Variants in PBX3 observed in about 807,000 individuals in gnomAD.
The protein encoded by PBX3 is pre-B-cell leukemia transcription factor 3.
In PBX3, 14 loss-of-function variants were observed where a neutral mutation model predicts 48.5. The observed-to-expected ratio is 0.29, with a 90% CI of 0.19 to 0.45. The LOEUF is 0.45. PBX3 is among the 20% of genes least tolerant of loss of function. The pLI is 1.00. For missense variants in PBX3, 386 were observed against 546.7 expected, an observed-to-expected ratio of 0.71 and a Z score of 2.93; for synonymous variants, 210 against 200.3, an observed-to-expected ratio of 1.05 and a Z score of -0.41.
chr9:125,844,904 G>A (rs541367876), intron 2 of PBX3: 8 of 152,184 alleles, frequency 5.3e-5, no homozygotes, highest in African/African-American at 1.9e-4. Context: ...AAGTTTAGTA[G>A]GTTCAGCACC....
chr9:125,920,529 A>G (rs1211553208), intron 3 of PBX3, among the ~76,000 whole-genome samples: 2 of 152,246 alleles, frequency 1.3e-5, no homozygotes, highest in African/African-American at 2.4e-5. Flanking sequence ...GAAAAGATAT[A>G]TAATGCTCTG....
chr9:125,866,567 CAAAG>C (rs965575129), intron 2 of PBX3, among the ~76,000 whole-genome samples: 3 of 152,040 alleles, frequency 2.0e-5, no homozygotes, highest in African/African-American at 7.2e-5. Context: ...AAGAGGGAAA[CAAAG>C]AAACAATCAT....
chr9:125,775,645 A>G (rs1189034860), intron 2 of PBX3, among the ~76,000 whole-genome samples: 1 of 152,204 alleles, frequency 6.6e-6, no homozygotes, highest in Non-Finnish European at 1.5e-5. Flanking sequence ...TGATTACTGT[A>G]GCTTTGCAGT....
intron 2 of PBX3, among the ~76,000 whole-genome samples, chr9:125,891,328 A>G (rs1410600208): frequency 6.6e-6 from 1 of 152,230 alleles, no homozygotes; most frequent in Non-Finnish European, 1.5e-5. Flanking sequence ...TGAAATATAT[A>G]AAGATGCAAC....
At chr9:125,816,478 G>C (rs1409024206) in intron 2 of PBX3, among the ~76,000 whole-genome samples, 4 of 152,100 alleles carry the variant, frequency 2.6e-5, no homozygotes, top group Non-Finnish European at 4.4e-5. Context: ...TACATTGTTC[G>C]GAGTGATTTT....
chr9:125,800,194 C>T (rs1837898632), intron 2 of PBX3, among the ~76,000 whole-genome samples: 1 of 152,140 alleles, frequency 6.6e-6, no homozygotes, highest in Admixed American at 6.5e-5. Context: ...TTCAAAGAAA[C>T]ATCACAGATG....
chr9:125,866,159 A>G (rs1839975211), intron 2 of PBX3, among the ~76,000 whole-genome samples: 1 of 152,190 alleles, frequency 6.6e-6, no homozygotes, highest in African/African-American at 2.4e-5. Flanking sequence ...AAGTGAGTTA[A>G]CTATGCTGTT....
At chr9:125,948,231 T>C (rs1241689602) in intron 5 of PBX3, among the ~76,000 whole-genome samples, 1 of 145,324 alleles carries the variant, frequency 6.9e-6, no homozygotes, top group East Asian at 2.1e-4. Context: ...ACACCACAAT[T>C]AGCAGACTTG....
chr9:125,891,349 G>A (rs1010151566), intron 2 of PBX3, among the ~76,000 whole-genome samples: 2 of 152,170 alleles, frequency 1.3e-5, no homozygotes, highest in African/African-American at 4.8e-5. Context: ...TATCTAAAAT[G>A]AATGCCAAAT....
In PBX3 at chr9:125,773,579, C is replaced by G. The variant is rs12341121; in HGVS notation, c.274+24956C>G. ...GTCCTCTGGCACATAGTAGGAAGCA[C>G]TCAATATCTGTTTTTTAAAATGAAT... On this transcript the variant is annotated intron_variant, in intron 2 of 8. Transcript: ENST00000373489. Among the ~76,000 whole-genome samples, 1,390 of 152,010 alleles carry G rather than the reference C, an allele frequency of 9.1e-3. 30 individuals are homozygous for G. Among genetic ancestry groups the G allele is most frequent in the African/African-American group, 0.031 (1,301 of 41,392 alleles).
intron 4 of PBX3, among the ~76,000 whole-genome samples, chr9:125,932,299 G>A (rs1841735571): frequency 6.6e-6 from 1 of 152,162 alleles, no homozygotes; most frequent in Admixed American, 6.5e-5. Context: ...TCACCCTGCT[G>A]GACTAGCCCT....
Position 125,929,771 on chromosome 9 carries a change from T to C in PBX3, c.633T>C (p.Ser211=). The C allele has an allele frequency of 1.2e-6, 2 of 1,614,034 alleles. No homozygotes were observed. The highest frequency in any genetic ancestry group is 1.7e-6 in the Non-Finnish European group (2 of 1,179,934). Residue 211 remains serine (S), a synonymous_variant, in exon 4 of 9, where the codon AGT becomes AGC. Transcript: ENST00000373489. ...RMVGIIHRKF[S]SIQMQLKQST... is the part of the protein sequence containing the mutation. The stretch of plus-strand genomic sequence containing the variant: ...TGGGCATCATCCATCGAAAATTTAG[T>C]TCCATTCAGATGCAGCTCAAACAAA...
intron 2 of PBX3, among the ~76,000 whole-genome samples, chr9:125,764,432 G>T (rs919247083): frequency 6.6e-6 from 1 of 152,174 alleles, no homozygotes; most frequent in Non-Finnish European, 1.5e-5. Flanking sequence ...AATTAATAGA[G>T]TTCTGGAGTT....
chr9:125,799,416 C>T (rs886953293), intron 2 of PBX3, among the ~76,000 whole-genome samples: 16 of 151,842 alleles, frequency 1.1e-4, no homozygotes, highest in Non-Finnish European at 1.8e-4. Flanking sequence ...TGAGGTGGGA[C>T]GATTTCTTGA....
intron 2 of PBX3, among the ~76,000 whole-genome samples, chr9:125,754,837 CTG>C (rs1201295315): frequency 2.6e-5 from 4 of 152,004 alleles, no homozygotes; most frequent in Non-Finnish European, 4.4e-5. Context: ...TTTTGTATAA[CTG>C]TCTACGTAAT....
intron 3 of PBX3, among the ~76,000 whole-genome samples, chr9:125,921,276 A>C (rs1841451248): frequency 6.6e-6 from 1 of 152,118 alleles, no homozygotes; most frequent in South Asian, 2.1e-4. Context: ...ATTTATGACC[A>C]CAAGCTCGAT....
At chr9:125,956,421 G>A (rs1181359826) in intron 5 of PBX3, among the ~76,000 whole-genome samples, 1 of 152,210 alleles carries the variant, frequency 6.6e-6, no homozygotes, top group Non-Finnish European at 1.5e-5. Context: ...TCTAGTTATT[G>A]TATTATGTGG....
intron 2 of PBX3, among the ~76,000 whole-genome samples, chr9:125,890,516 T>C (rs1052397737): frequency 6.6e-6 from 1 of 152,204 alleles, no homozygotes; most frequent in Non-Finnish European, 1.5e-5. Flanking sequence ...AAATTATTGC[T>C]CTTTCCAGGA....
intron 5 of PBX3, among the ~76,000 whole-genome samples, chr9:125,951,282 A>C (rs975330892): frequency 6.6e-6 from 1 of 152,178 alleles, no homozygotes; most frequent in Non-Finnish European, 1.5e-5. Context: ...TAGTGCCGTC[A>C]GGTACTTGTG....
Sources: gnomAD v4.1 joint callset for allele counts (sites outside exome capture counted in the v4.1 genomes callset) on GRCh38, gnomAD v4.1.1 for gene constraint, MANE v1.5 for transcripts, NCBI Gene and HGNC (gene_info 2026-07-23, HGNC 2026-07-21) for gene names.